Variants in NMRAL1 observed in about 807,000 individuals in gnomAD.
NMRAL1 encodes the protein NmrA like redox sensor 1, also known as nmrA-like family domain-containing protein 1.
A neutral mutation model predicts 27.5 loss-of-function variants in NMRAL1; 32 were observed. That is an observed-to-expected ratio of 1.16 (90% confidence interval 0.88 to 1.56). NMRAL1 has a LOEUF of 1.56. NMRAL1 is among the 40% of genes most tolerant of loss of function. The pLI is 0.00. For missense variants in NMRAL1, 420 were observed against 392.0 expected (o/e 1.07, Z -0.60); for synonymous variants, 166 against 166.8 (o/e 1.00, Z 0.04).
At position 4,469,248 on chromosome 16, in the gene NMRAL1, G is replaced by C. The variant is rs750446081; in HGVS notation, c.258C>G (p.Ser86Arg). 7 of 1,613,696 alleles carry C rather than the reference G, an allele frequency of 4.3e-6. No homozygotes were observed. The South Asian group carries it at 7.7e-5, about 18-fold the overall frequency. The change falls in exon 3 of 6, where the codon AGC becomes AGG. Residue 86 changes from serine (S) to arginine (R), a missense_variant. Transcript: ENST00000283429. ...FIVTNYWESC[S>R]QEQEVKQGKL... ...TCACCTGCTTGACCTCCTGCTCCTG[G>C]CTGCAGCTCTCCCAGTAATTGGTCA...
chr16:4,465,308 T>C (rs1486759696), intron 4 of NMRAL1, among the ~76,000 whole-genome samples: 4 of 152,182 alleles, frequency 2.6e-5, no homozygotes, highest in Admixed American at 2.6e-4. Context: ...GCTGGGCCCT[T>C]ATGCGAGGGT....
At chr16:4,463,932 C>G (rs2057214795) in intron 4 of NMRAL1, 82 bp from the exon 5 acceptor site, 2 of 1,203,380 alleles carry the variant, frequency 1.7e-6, no homozygotes, top group Admixed American at 4.5e-5. Context: ...AGGGTCCAAG[C>G]TGGTTCTTCC....
rs749716394 is a variant in NMRAL1 at position 4,474,136 on chromosome 16, G to A, written c.-4C>T. 4 of 1,611,528 alleles carry A rather than the reference G, an allele frequency of 2.5e-6. No homozygotes were observed. The Admixed American group carries it at 5.0e-5, about 20-fold the overall frequency. On this transcript the variant is annotated 5_prime_UTR_variant, in exon 2 of 6. Transcript: ENST00000283429. ...CCACCAGTTTCTTGTCCACCATGAGGACGAGAATGGGACGAATCCGGTCCA... is the reference window on the plus strand; with the variant it reads ...CCACCAGTTTCTTGTCCACCATGAGAACGAGAATGGGACGAATCCGGTCCA...
chr16:4,467,029 T>C (rs931254333), intron 3 of NMRAL1: 3 of 153,526 alleles, frequency 2.0e-5, no homozygotes, highest in Non-Finnish European at 2.9e-5. Flanking sequence ...ACGTGAAGGA[T>C]CTTGAGATGG....
intron 3 of NMRAL1, 48 bp downstream of exon 3, chr16:4,469,179 C>T: frequency 7.3e-7 from 1 of 1,361,956 alleles, no homozygotes; most frequent in Non-Finnish European, 1.0e-6. Flanking sequence ...CCCAGGCGCT[C>T]TGCTCCTAGC....
At chr16:4,467,942 G>A (rs558632264) in intron 3 of NMRAL1, among the ~76,000 whole-genome samples, 18 of 152,026 alleles carry the variant, frequency 1.2e-4, no homozygotes, top group African/African-American at 3.6e-4. Flanking sequence ...TTTAAGCCAC[G>A]TGGATTGTGG....
chr16:4,472,986 T>C (rs1366328483), intron 2 of NMRAL1, among the ~76,000 whole-genome samples: 3 of 149,286 alleles, frequency 2.0e-5, no homozygotes, highest in Non-Finnish European at 4.5e-5. Context: ...TTTTTTTTTT[T>C]TTTTTTTGAG....
At chr16:4,464,867 C>A (rs374514555) in intron 4 of NMRAL1, among the ~76,000 whole-genome samples, 1 of 151,784 alleles carries the variant, frequency 6.6e-6, no homozygotes, top group Non-Finnish European at 1.5e-5. Context: ...CCGCCCTCCT[C>A]GGCCTCCCAA....
At chr16:4,469,184 C>T (rs2057449912) in intron 3 of NMRAL1, 43 bp downstream of exon 3, 1 of 1,427,210 alleles carries the variant, frequency 7.0e-7, no homozygotes, top group East Asian at 2.3e-5. Context: ...GCGCTCTGCT[C>T]CTAGCCTGGC....
Position 4,461,867 on chromosome 16 carries a change from G to GT in NMRAL1, c.812dup (p.Asp271GlufsTer?). The stretch of plus-strand genomic sequence containing the variant: ...GGTTGAGTCTCAGGGTCAGCTCGAT[G>GT]TCACGGTCGGGTCTCAGGGCATAGA... On this transcript the variant is annotated frameshift_variant, in exon 6 of 6. Coordinates refer to ENST00000283429, the MANE Select transcript of NMRAL1 (RefSeq NM_020677.6). LOFTEE classifies it high-confidence loss of function. 6.2e-7 allele frequency: 1 copy of GT among 1,614,206 alleles called. No homozygotes were observed. Among genetic ancestry groups the GT allele is most frequent in the Non-Finnish European group, 8.5e-7 (1 of 1,180,028 alleles).
chr16:4,466,574 C>T (rs914592849), intron 3 of NMRAL1, 172 bp from the exon 4 acceptor site: 20 of 631,936 alleles, frequency 3.2e-5, no homozygotes, highest in African/African-American at 2.2e-4. Context: ...CATGACACCA[C>T]GCCCGTAAAC....
In NMRAL1 at chr16:4,466,920, A is replaced by G. The variant is rs141046046; in HGVS notation, c.280-518T>C. On this transcript the variant is annotated intron_variant, in intron 3 of 5. Coordinates refer to ENST00000283429, the MANE Select transcript of NMRAL1 (RefSeq NM_020677.6). ...CTACCTACTGCATGAGGTGACGCAGAGATTCGGACGGTGGCCTCCAAAAAG... is the reference window on the plus strand; with the variant it reads ...CTACCTACTGCATGAGGTGACGCAGGGATTCGGACGGTGGCCTCCAAAAAG... 236 of 158,200 alleles carry G rather than the reference A, an allele frequency of 1.5e-3. 4 individuals are homozygous for G. Among genetic ancestry groups the G allele is most frequent in the African/African-American group, 5.4e-3 (224 of 41,638 alleles). 9.8% of individuals were successfully genotyped at this position (158,200 alleles called of 1,614,324 possible). A position where few individuals can be genotyped will look rare whatever the true frequency, so the allele number is the denominator to read the frequency against.
At chr16:4,472,937 A>G (rs1273248065) in intron 2 of NMRAL1, among the ~76,000 whole-genome samples, 1 of 151,626 alleles carries the variant, frequency 6.6e-6, no homozygotes, top group Admixed American at 6.6e-5. Flanking sequence ...GGGAGGAGTA[A>G]GAATGGGGAG....
upstream of NMRAL1, chr16:4,475,042 C>A (rs1246072608): frequency 2.0e-5 from 3 of 152,102 alleles, no homozygotes; most frequent in Non-Finnish European, 4.4e-5. Flanking sequence ...ACCTCCGCCC[C>A]CCGGGTTCAA....
chr16:4,473,442 G>GA (rs1158421152), intron 2 of NMRAL1, among the ~76,000 whole-genome samples: 1 of 151,974 alleles, frequency 6.6e-6, no homozygotes, highest in South Asian at 2.1e-4. Context: ...GTATAAATAA[G>GA]AAAAAATAGG....
chr16:4,469,462 G>C lies in NMRAL1; in HGVS notation c.44C>G (p.Ala15Gly). Residue 15 changes from alanine to glycine, a missense_variant, in exon 3 of 6, where the codon GCC (alanine) becomes GGC (glycine). Ala to Gly is a moderately conservative substitution (Grantham distance 60). Coordinates refer to ENST00000283429, the MANE Select transcript of NMRAL1 (RefSeq NM_020677.6). ...TGTGCGGGCCACGGAGCCACCCTGG[G>C]CACCTACAAAGAATCAAAAAGACCT... Reference protein sequence around the residue: ...KLVVVFGGTGAQGGSVARTLL... With the variant: ...KLVVVFGGTGGQGGSVARTLL... 1 of 1,613,084 alleles carries C rather than the reference G, an allele frequency of 6.2e-7. No homozygotes were observed. Among genetic ancestry groups the C allele is most frequent in the Non-Finnish European group, 8.5e-7 (1 of 1,179,232 alleles).
chr16:4,471,096 G>C (rs2057549698), intron 2 of NMRAL1, among the ~76,000 whole-genome samples: 1 of 152,068 alleles, frequency 6.6e-6, no homozygotes, highest in Admixed American at 6.6e-5. Flanking sequence ...GACACAGTGA[G>C]ACTCTGTCTC....
intron 4 of NMRAL1, 109 bp downstream of exon 4, chr16:4,466,044 G>T (rs1477835354): frequency 3.7e-6 from 5 of 1,368,058 alleles, no homozygotes; most frequent in Non-Finnish European, 5.1e-6. Flanking sequence ...TAACGTGAGG[G>T]AGCCACGGCT....
chr16:4,466,089 T>A lies in NMRAL1; in HGVS notation c.529+64A>T. ...CACCACGTGACAGCGGCCCGCGGTC[T>A]GTTACACCAACGGCTTTACAGGGTG... On this transcript the variant is annotated intron_variant, in intron 4 of 5. Transcript: ENST00000283429. 3.1e-6 allele frequency: 5 copies of A among 1,596,682 alleles called. No homozygotes were observed. The South Asian group carries it at 5.6e-5, about 18-fold the overall frequency.
Sources: allele counts gnomAD v4.1 joint callset (sites outside exome capture counted in the v4.1 genomes callset), GRCh38; gene constraint gnomAD v4.1.1; transcripts MANE v1.5; gene names NCBI Gene and HGNC (gene_info 2026-07-23, HGNC 2026-07-21).